COL21A1: variants seen among roughly 807,000 people sequenced by gnomAD.
COL21A1 encodes collagen type XXI alpha 1 chain.
Under a neutral mutation model 137.9 loss-of-function variants are expected in COL21A1, and 149 were observed. The observed-to-expected ratio is 1.08, with a 90% confidence interval of 0.95 to 1.24. COL21A1 has a LOEUF of 1.24. COL21A1 is among the 50% of genes most tolerant of loss of function. The pLI, the probability that COL21A1 is intolerant of heterozygous loss-of-function variation, is 0.00. For synonymous variants in COL21A1, 456 were observed against 391.5 expected, an observed-to-expected ratio of 1.16 and a Z score of -1.95; for missense variants, 1,167 against 1,158.4, an observed-to-expected ratio of 1.01 and a Z score of -0.11.
chr6:56,247,106 T>C (rs1782695912), intron 1 of COL21A1, among the ~76,000 whole-genome samples: 1 of 152,110 alleles, frequency 6.6e-6, no homozygotes, highest in African/African-American at 2.4e-5. Flanking sequence ...TCAACGCACG[T>C]TATCGTACTC....
At chr6:56,271,654 G>A (rs1763528089) in intron 1 of COL21A1, among the ~76,000 whole-genome samples, 1 of 152,224 alleles carries the variant, frequency 6.6e-6, no homozygotes, top group South Asian at 2.1e-4. Context: ...GCATGTCAGA[G>A]ACCTTCACAG....
At chr6:56,243,389 T>A (rs988280134) in intron 1 of COL21A1, among the ~76,000 whole-genome samples, 1 of 152,170 alleles carries the variant, frequency 6.6e-6, no homozygotes, top group Non-Finnish European at 1.5e-5. Context: ...GTTCTAAATT[T>A]ATTATTTTCT....
chr6:56,108,003 T>C (rs1771095970), intron 16 of COL21A1, among the ~76,000 whole-genome samples: 1 of 151,940 alleles, frequency 6.6e-6, no homozygotes, highest in Non-Finnish European at 1.5e-5. Context: ...TAATTTAAAT[T>C]TAACACAACA....
chr6:56,158,254 T>TC (rs1775914052), intron 9 of COL21A1, among the ~76,000 whole-genome samples: 1 of 61,296 alleles, frequency 1.6e-5, no homozygotes, highest in Non-Finnish European at 3.1e-5. Context: ...GGGTTTTTTC[T>TC]TTTTTTTTTT....
chr6:56,279,154 G>T (rs1763738202), intron 1 of COL21A1, among the ~76,000 whole-genome samples: 3 of 152,132 alleles, frequency 2.0e-5, no homozygotes, highest in Admixed American at 1.3e-4. Flanking sequence ...TGAGATCTGG[G>T]TGTTTAAAAG....
At chr6:56,153,190 A>G (rs1393439154) in intron 10 of COL21A1, among the ~76,000 whole-genome samples, 1 of 152,168 alleles carries the variant, frequency 6.6e-6, no homozygotes, top group East Asian at 1.9e-4. Context: ...TATTCCTTCA[A>G]TTCAATTTCA....
At chr6:56,339,841 T>A (rs963943896) in intron 1 of COL21A1, among the ~76,000 whole-genome samples, 22 of 152,222 alleles carry the variant, frequency 1.4e-4, no homozygotes, top group Non-Finnish European at 4.4e-5. Flanking sequence ...CATTCTTTAA[T>A]GTTTTCTGTA....
At chr6:56,292,620 A>T (rs1764076014) in intron 1 of COL21A1, among the ~76,000 whole-genome samples, 1 of 152,314 alleles carries the variant, frequency 6.6e-6, no homozygotes. Context: ...ACCAGGTGGG[A>T]GAACATAGTA....
chr6:56,338,002 G>T (rs999785469), intron 1 of COL21A1, among the ~76,000 whole-genome samples: 3 of 132,004 alleles, frequency 2.3e-5, no homozygotes, highest in Non-Finnish European at 4.7e-5. Context: ...TCATTCTGTC[G>T]CCCAGGCTGG....
intron 1 of COL21A1, among the ~76,000 whole-genome samples, chr6:56,225,542 G>A (rs2152314860): frequency 6.6e-6 from 1 of 152,100 alleles, no homozygotes; most frequent in South Asian, 2.1e-4. Context: ...GCTGCCTACA[G>A]GTTGCCACTT....
At chr6:56,303,085 C>T (rs1383495555) in intron 1 of COL21A1, among the ~76,000 whole-genome samples, 1 of 152,166 alleles carries the variant, frequency 6.6e-6, no homozygotes, top group Non-Finnish European at 1.5e-5. Flanking sequence ...TTCCATTGGT[C>T]TATATCTCTG....
intron 24 of COL21A1, 97 bp from the exon 25 acceptor site, chr6:56,061,778 T>G: frequency 1.3e-6 from 1 of 796,772 alleles, no homozygotes; most frequent in Non-Finnish European, 2.0e-6. Flanking sequence ...AATTTAAAAT[T>G]TCAATTTGGA....
intron 1 of COL21A1, among the ~76,000 whole-genome samples, chr6:56,286,740 T>A (rs1164220087): frequency 6.6e-6 from 1 of 152,162 alleles, no homozygotes; most frequent in Non-Finnish European, 1.5e-5. Flanking sequence ...TCTACTTACC[T>A]CACAGGGTTA....
intron 22 of COL21A1, among the ~76,000 whole-genome samples, chr6:56,067,542 CT>C (rs1766375286): frequency 6.6e-6 from 1 of 151,752 alleles, no homozygotes; most frequent in African/African-American, 2.4e-5. Flanking sequence ...CTTTTGTATG[CT>C]CCTACATTTG....
At chr6:56,304,933 T>C (rs1389227472) in intron 1 of COL21A1, among the ~76,000 whole-genome samples, 1 of 152,220 alleles carries the variant, frequency 6.6e-6, no homozygotes, top group Non-Finnish European at 1.5e-5. Context: ...GTATGTTGTG[T>C]CTTTGTTCTC....
chr6:56,314,839 A>C (rs1764695449), intron 1 of COL21A1, among the ~76,000 whole-genome samples: 2 of 152,190 alleles, frequency 1.3e-5, no homozygotes, highest in Non-Finnish European at 1.5e-5. Flanking sequence ...GAATTAGCGG[A>C]GAAAGTTGCA....
intron 1 of COL21A1, among the ~76,000 whole-genome samples, chr6:56,300,349 T>C (rs1301254134): frequency 2.0e-5 from 3 of 152,108 alleles, no homozygotes; most frequent in Non-Finnish European, 4.4e-5. Flanking sequence ...GAGTAACAGG[T>C]ACCTGAGTTT....
chr6:56,179,058 T>C (rs1399192374), intron 3 of COL21A1, among the ~76,000 whole-genome samples: 2 of 151,912 alleles, frequency 1.3e-5, no homozygotes, highest in Admixed American at 6.6e-5. Flanking sequence ...TGCTATCCTA[T>C]GAATAGAGTA....
intron 1 of COL21A1, among the ~76,000 whole-genome samples, chr6:56,344,323 G>T (rs1267226078): frequency 6.6e-6 from 1 of 152,108 alleles, no homozygotes; most frequent in East Asian, 1.9e-4. Flanking sequence ...CAAAAGAATT[G>T]CAGTTGTCCT....
Sources: allele counts gnomAD v4.1 joint callset (sites outside exome capture counted in the v4.1 genomes callset), GRCh38; gene constraint gnomAD v4.1.1; transcripts MANE v1.5; gene names NCBI Gene and HGNC (gene_info 2026-07-23, HGNC 2026-07-21).